The following ZNF879 variants were observed in gnomAD, a reference collection of about 807,000 sequenced individuals.
ZNF879 encodes the protein zinc finger protein 879.
In ZNF879, 32 loss-of-function variants were observed where a neutral mutation model predicts 44.3. The ratio of observed to expected loss-of-function variants is 0.72; its 90% CI spans 0.54 to 0.97. The LOEUF is 0.97. Among genes scored for constraint, ZNF879 ranks in the 50% least tolerant of loss-of-function variants. ZNF879 has a pLI of 0.00. For synonymous variants in ZNF879, 234 were observed against 233.2 expected, an observed-to-expected ratio of 1.00 and a Z score of -0.03; for missense variants, 621 against 669.7, an observed-to-expected ratio of 0.93 and a Z score of 0.80.
At chr5:179,024,085 G>A (rs1761188073) in intron 1 of ZNF879, among the ~76,000 whole-genome samples, 181 bp downstream of exon 1, 1 of 152,180 alleles carries the variant, frequency 6.6e-6, no homozygotes, top group Admixed American at 6.5e-5. Context: ...GGCGGAGGCC[G>A]GGAGGGCGCT....
At chr5:179,025,534 G>A (rs1266237971) in intron 2 of ZNF879, among the ~76,000 whole-genome samples, 1 of 152,178 alleles carries the variant, frequency 6.6e-6, no homozygotes, top group Non-Finnish European at 1.5e-5. Context: ...GGGCTCCAAT[G>A]CCAGGCCACT....
intron 4 of ZNF879, among the ~76,000 whole-genome samples, chr5:179,029,478 A>C (rs962316245): frequency 3.9e-5 from 6 of 152,212 alleles, no homozygotes; most frequent in African/African-American, 1.4e-4. Context: ...GACATCTAGA[A>C]AATAAATAGA....
At chr5:179,030,433 G>GA (rs926465938) in intron 4 of ZNF879, among the ~76,000 whole-genome samples, 1 of 151,998 alleles carries the variant, frequency 6.6e-6, no homozygotes, top group Non-Finnish European at 1.5e-5. Flanking sequence ...CTCAAAAAGG[G>GA]ATTTAGTAAA....
At position 179,026,083 on chromosome 5, in the gene ZNF879, C is replaced by T. The variant is rs1349528960; in HGVS notation, c.33+1046C>T. On this transcript the variant is annotated intron_variant, in intron 2 of 4. Coordinates refer to ENST00000444149, the MANE Select transcript of ZNF879 (RefSeq NM_001136116.3). The stretch of plus-strand genomic sequence containing the variant: ...CTGGTGACAGAGCAAGACTCCATCT[C>T]AAAAAAAAAAAAAAAAAAACAAAGA... Among the ~76,000 whole-genome samples the T allele has an allele frequency of 1.4e-4, 8 of 58,104 alleles. No individual in the cohort carries two copies. In the South Asian group the frequency reaches 2.9e-3, roughly 21 times the overall value. 38.1% of individuals were successfully genotyped at this position (58,104 alleles called of 152,430 possible). A position where few individuals can be genotyped will look rare whatever the true frequency, so the allele number is the denominator to read the frequency against.
At position 179,033,719 on chromosome 5, in the gene ZNF879, T is replaced by G; in HGVS notation, c.*79T>G. 1.8e-6 allele frequency: 2 copies of G among 1,083,008 alleles called. No homozygotes were observed. Among genetic ancestry groups the G allele is most frequent in the Non-Finnish European group, 1.3e-6 (1 of 772,090 alleles). 67.1% of individuals were successfully genotyped at this position (1,083,008 alleles called of 1,614,324 possible). On this transcript the variant is annotated 3_prime_UTR_variant, in exon 5 of 5. Coordinates refer to ENST00000444149, the MANE Select transcript of ZNF879 (RefSeq NM_001136116.3). ...CAAAAAATTCATTGTGGGGAGAAAG[T>G]GATGAAGAGTAGTTAATCATAGGTA... is the stretch of plus-strand genomic sequence containing the variant.
At chr5:179,027,715 T>C (rs1413912702) in intron 3 of ZNF879, 116 bp downstream of exon 3, 1 of 1,364,874 alleles carries the variant, frequency 7.3e-7, no homozygotes, top group Non-Finnish European at 9.9e-7. Flanking sequence ...AGAGTGGCCA[T>C]TGCCATTCCC....
intron 4 of ZNF879, among the ~76,000 whole-genome samples, chr5:179,029,006 A>T (rs7733072): frequency 6.6e-6 from 1 of 151,692 alleles, no homozygotes; most frequent in Non-Finnish European, 1.5e-5. Context: ...TTTTCAAAAA[A>T]GGTTCATGTG....
chr5:179,024,911 AATGAGGGTGGGC>A, intron 1 of ZNF879, 47 bp from the exon 2 acceptor site: 3 of 1,353,344 alleles, frequency 2.2e-6, no homozygotes, highest in Non-Finnish European at 3.1e-6. Flanking sequence ...GGTCTGGCCT[AATGAGGGTGGGC>A]ATGCAGGCTG....
intron 4 of ZNF879, among the ~76,000 whole-genome samples, chr5:179,029,308 AT>A (rs201825978): frequency 1.3e-5 from 2 of 151,234 alleles, no homozygotes; most frequent in African/African-American, 2.4e-5. Context: ...ATGAAAGAGT[AT>A]TTTTTTTTCT....
At position 179,027,449 on chromosome 5, in the gene ZNF879, ACAGGAGTGGGTTTGCCATTC is replaced by A. The variant is rs1276669834; in HGVS notation, c.34-16_37del. On this transcript the variant is annotated splice_region_variant and splice_polypyrimidine_tract_variant and intron_variant, in intron 2 of 4. Transcript: ENST00000444149. ...TCGTTGTGGGGACAGTCCTGGATGA[ACAGGAGTGGGTTTGCCATTC>A]CAGGAGTCCGTGACGTTCAGGGATG... 1 of 1,612,928 alleles carries A rather than the reference ACAGGAGTGGGTTTGCCATTC, an allele frequency of 6.2e-7. No individual in the cohort carries two copies. The highest frequency in any genetic ancestry group is 1.3e-5 in the African/African-American group (1 of 75,032).
At chr5:179,025,109 G>A (rs1761227709) in intron 2 of ZNF879, 72 bp downstream of exon 2, 1 of 1,514,648 alleles carries the variant, frequency 6.6e-7, no homozygotes, top group Non-Finnish European at 9.0e-7. Context: ...ATCTGTTGTT[G>A]AGCTTCTCTA....
At chr5:179,026,820 C>T (rs921362428) in intron 2 of ZNF879, among the ~76,000 whole-genome samples, 1 of 152,120 alleles carries the variant, frequency 6.6e-6, no homozygotes, top group Non-Finnish European at 1.5e-5. Context: ...GGGAGATGGC[C>T]CTAGTTCAGA....
rs1433473479 is a variant in ZNF879, at chr5:179,023,834, C to T, written c.-106C>T. 2.0e-5 allele frequency: 3 copies of T among 152,298 alleles called. No homozygotes were observed. The highest frequency in any genetic ancestry group is 2.9e-5 in the Non-Finnish European group (2 of 68,074). The allele number at this position is 152,298 out of a possible 1,614,324, so 9.4% of individuals were successfully genotyped here. A position where few individuals can be genotyped will look rare whatever the true frequency, so the allele number is the denominator to read the frequency against. On this transcript the variant is annotated 5_prime_UTR_variant, in exon 1 of 5. Coordinates refer to ENST00000444149, the MANE Select transcript of ZNF879 (RefSeq NM_001136116.3). The stretch of plus-strand genomic sequence containing the variant: ...TGCGCCCGGCAGCGACGGGAAACGT[C>T]TCTGAATTAGGTGTTCCGCTCGCCT...
chr5:179,028,000 G>A, intron 3 of ZNF879, 32 bp from the exon 4 acceptor site: 1 of 1,543,674 alleles, frequency 6.5e-7, no homozygotes, highest in Non-Finnish European at 8.8e-7. Context: ...TGCTACGATG[G>A]CCGCTCACGT....
chr5:179,025,998 T>C (rs1405031978), intron 2 of ZNF879, among the ~76,000 whole-genome samples: 1 of 146,202 alleles, frequency 6.8e-6, no homozygotes, highest in Non-Finnish European at 1.5e-5. Flanking sequence ...GGCAGGAGAA[T>C]CACTTGAACC....
Position 179,025,577 on chromosome 5 carries a change from G to A in ZNF879, c.33+540G>A, listed in dbSNP as rs1174736493. On this transcript the variant is annotated intron_variant, in intron 2 of 4. Coordinates refer to ENST00000444149, the MANE Select transcript of ZNF879 (RefSeq NM_001136116.3). The stretch of plus-strand genomic sequence containing the variant: ...CCAGAGCTTTGTGAAAGATCCAGGT[G>A]TTTTTGCCCTGTGGAGGACAAAGAC... 2.0e-5 allele frequency among the ~76,000 whole-genome samples: 3 copies of A among 152,242 alleles called. No homozygotes were observed. The East Asian group carries it at 5.8e-4, about 29-fold the overall frequency.
Position 179,033,597 on chromosome 5 carries a change from G to T in ZNF879, c.1649G>T (p.Ser550Ile), listed in dbSNP as rs1303478662. 1.9e-6 allele frequency: 3 copies of T among 1,541,688 alleles called. No individual in the cohort carries two copies. In the Admixed American group the frequency reaches 6.2e-5, roughly 32 times the overall value. ...TGTAAAGAATGTGGGAAGGCTTTTA[G>T]TCAGAGCTCATCTCTTACTAATCAT... The part of the protein sequence containing the change: ...YKCKECGKAF[S>I]QSSSLTNHQR... The change falls in exon 5 of 5, where the codon AGT (serine) becomes ATT (isoleucine). Residue 550 changes from serine (S) to isoleucine (I), a missense_variant. Ser to Ile is a moderately radical substitution (Grantham distance 142). Transcript: ENST00000444149.
Position 179,028,098 on chromosome 5 carries a change from AGAGTG to A in ZNF879, c.232_236del (p.Gly78SerfsTer18), listed in dbSNP as rs1761319807. On this transcript the variant is annotated frameshift_variant, in exon 4 of 5. Transcript: ENST00000444149. LOFTEE classifies it low-confidence loss of function (END_TRUNC). ...CAAGGAGAAGACCCCTGGATGGTGG[AGAGTG>A]GAGTTCCCCAAGGCGCACATCTCGG... is the stretch of plus-strand genomic sequence containing the variant. 1 of 1,551,210 alleles carries A rather than the reference AGAGTG, an allele frequency of 6.4e-7. No homozygotes were observed. Among genetic ancestry groups the A allele is most frequent in the Non-Finnish European group, 8.7e-7 (1 of 1,146,906 alleles).
Position 179,028,053 on chromosome 5 carries a change from A to G in ZNF879, c.182A>G (p.Lys61Arg), listed in dbSNP as rs1761318103. The G allele has an allele frequency of 1.3e-6, 2 of 1,551,480 alleles. No individual in the cohort carries two copies. The highest frequency in any genetic ancestry group is 2.4e-5 in the East Asian group (1 of 40,888). Residue 61 changes from lysine to arginine, a missense_variant, in exon 4 of 5, where the codon AAG becomes AGG. Physicochemically the swap from Lys to Arg is conservative, Grantham distance 26. Transcript: ENST00000444149. ...ACAGGGATTCTCTTTTCCAAGCCAA[A>G]GGTCATCTCCCAGTTAGAGCAAGGA... ...VSLGILFSKP[K>R]VISQLEQGED...
Sources: gnomAD v4.1 joint callset for allele counts (sites outside exome capture counted in the v4.1 genomes callset) on GRCh38, gnomAD v4.1.1 for gene constraint, MANE v1.5 for transcripts, NCBI Gene and HGNC (gene_info 2026-07-23, HGNC 2026-07-21) for gene names.